TCTN2: variants seen among roughly 807,000 people sequenced by gnomAD.
TCTN2 encodes the protein tectonic family member 2.
In TCTN2, 66 loss-of-function variants were observed where a neutral mutation model predicts 83.4. That is an observed-to-expected ratio of 0.79 (90% CI 0.65 to 0.97). The LOEUF is 0.97. Ranked by LOEUF, TCTN2 falls within the 50% of genes least tolerant of loss-of-function variation. The pLI, the probability that TCTN2 is intolerant of heterozygous loss-of-function variation, is 0.00. For missense variants in TCTN2, 794 were observed against 858.1 expected, an observed-to-expected ratio of 0.93 and a Z score of 0.93; for synonymous variants, 301 against 326.7, an observed-to-expected ratio of 0.92 and a Z score of 0.85.
intron 14 of TCTN2, among the ~76,000 whole-genome samples, chr12:123,700,323 A>G (rs1172585793): frequency 1.3e-5 from 2 of 152,178 alleles, no homozygotes; most frequent in South Asian, 2.1e-4. Context: ...CTGGCCAACA[A>G]CAGTCTTTGT....
intron 13 of TCTN2, among the ~76,000 whole-genome samples, chr12:123,698,749 C>A (rs552133704): frequency 6.6e-6 from 1 of 152,112 alleles, no homozygotes; most frequent in African/African-American, 2.4e-5. Context: ...CTCTTACACA[C>A]GTTTTATCTG....
At chr12:123,699,117 G>A (rs1956142741) in intron 13 of TCTN2, among the ~76,000 whole-genome samples, 1 of 151,530 alleles carries the variant, frequency 6.6e-6, no homozygotes, top group South Asian at 2.1e-4. Context: ...AGTCGGCAGA[G>A]TTTGTGAACC....
chr12:123,685,455 G>A (rs1326129557), intron 5 of TCTN2, among the ~76,000 whole-genome samples: 2 of 152,138 alleles, frequency 1.3e-5, no homozygotes, highest in Middle Eastern at 3.2e-3. Context: ...GTCTTGTTCT[G>A]TCACCCAGGC....
chr12:123,707,441 G>A (rs751136249), intron 17 of TCTN2, among the ~76,000 whole-genome samples, 163 bp from the exon 18 acceptor site: 4 of 152,106 alleles, frequency 2.6e-5, no homozygotes, highest in Non-Finnish European at 5.9e-5. Context: ...GGGTTTCACT[G>A]TGCTGGCCAG....
rs1593868784 is a variant in TCTN2 at position 123,704,607 on chromosome 12, A to G, written c.1688A>G (p.His563Arg). 6.2e-7 allele frequency: 1 copy of G among 1,613,434 alleles called. No homozygotes were observed. The highest frequency in any genetic ancestry group is 8.5e-7 in the Non-Finnish European group (1 of 1,179,918). Residue 563 changes from histidine to arginine, a missense_variant, in exon 15 of 18, where the codon CAC becomes CGC. Physicochemically the swap from His to Arg is conservative, Grantham distance 29. Coordinates refer to ENST00000303372, the MANE Select transcript of TCTN2 (RefSeq NM_024809.5). ...VNGMCLDIPA[H>R]LSIRILISDA... ...GGCATGTGCCTGGATATTCCTGCTC[A>G]CCTGAGCATCCGCATCCTCATCTCG...
chr12:123,672,638 G>A (rs745341189), intron 3 of TCTN2, among the ~76,000 whole-genome samples: 1 of 151,978 alleles, frequency 6.6e-6, no homozygotes, highest in South Asian at 2.1e-4. Context: ...GAGGGGGGTG[G>A]GGTAGCTGAG....
chr12:123,686,339 A>T (rs1031179636), intron 5 of TCTN2, among the ~76,000 whole-genome samples: 5 of 152,058 alleles, frequency 3.3e-5, no homozygotes, highest in African/African-American at 1.2e-4. Context: ...GAGCCCCTGC[A>T]CCCAGCCCCA....
intron 9 of TCTN2, among the ~76,000 whole-genome samples, chr12:123,693,811 T>A (rs978680116): frequency 6.6e-6 from 1 of 150,558 alleles, no homozygotes; most frequent in Non-Finnish European, 1.5e-5. Context: ...GTTTGTTTCT[T>A]TCTTTTCTTT....
At chr12:123,687,317 T>C (rs1955984268) in intron 6 of TCTN2, among the ~76,000 whole-genome samples, 1 of 152,304 alleles carries the variant, frequency 6.6e-6, no homozygotes, top group South Asian at 2.1e-4. Flanking sequence ...TAATGTTCTG[T>C]ATTTTACAGT....
chr12:123,695,425 T>C, intron 11 of TCTN2, 128 bp downstream of exon 11: 2 of 738,118 alleles, frequency 2.7e-6, no homozygotes, highest in South Asian at 3.0e-5. Context: ...CTTTATTTTC[T>C]CTTTTTCTTT....
At chr12:123,707,480 C>A (rs1466432585) in intron 17 of TCTN2, 124 bp from the exon 18 acceptor site, 2 of 910,858 alleles carry the variant, frequency 2.2e-6, no homozygotes, top group Non-Finnish European at 3.6e-6. Context: ...TCAAGTGATC[C>A]GCCCTCCTTG....
Position 123,699,916 on chromosome 12 carries a change from G to T in TCTN2, c.1612+106G>T, listed in dbSNP as rs1250209261. The T allele has an allele frequency of 1.2e-5, 11 of 885,850 alleles. No individual in the cohort carries two copies. The African/African-American group carries it at 1.7e-4, about 13-fold the overall frequency. The allele number at this position is 885,850 out of a possible 1,614,324, so 54.9% of individuals were successfully genotyped here. On this transcript the variant is annotated intron_variant, in intron 14 of 17. Transcript: ENST00000303372. ...CCAGTAGGTCATCTTCCTGAGGCTTGACTGCGGCTTAACTGGACGTTTGCC... is the reference window on the plus strand; with the variant it reads ...CCAGTAGGTCATCTTCCTGAGGCTTTACTGCGGCTTAACTGGACGTTTGCC...
chr12:123,689,291 A>G (rs1318786972), intron 7 of TCTN2, among the ~76,000 whole-genome samples: 1 of 151,344 alleles, frequency 6.6e-6, no homozygotes, highest in Non-Finnish European at 1.5e-5. Context: ...TCTGGGCTGA[A>G]GTGACCTGCC....
At chr12:123,671,709 C>A (rs866911289) in intron 2 of TCTN2, 95 bp downstream of exon 2, 1 of 1,049,808 alleles carries the variant, frequency 9.5e-7, no homozygotes, top group Non-Finnish European at 1.4e-6. Flanking sequence ...GGCCCCCTGC[C>A]TCTGTTCTCT....
At chr12:123,697,757 G>A (rs1956127091) in intron 13 of TCTN2, among the ~76,000 whole-genome samples, 1 of 152,054 alleles carries the variant, frequency 6.6e-6, no homozygotes, top group Non-Finnish European at 1.5e-5. Flanking sequence ...GCCTCCCAAA[G>A]TGCTGGGATT....
At chr12:123,675,707 T>C (rs762213484) in intron 4 of TCTN2, among the ~76,000 whole-genome samples, 5 of 152,130 alleles carry the variant, frequency 3.3e-5, no homozygotes, top group Non-Finnish European at 7.3e-5. Flanking sequence ...ATAAAGAAAT[T>C]CTGGAAGGAT....
At chr12:123,671,925 C>T in intron 2 of TCTN2, 131 bp from the exon 3 acceptor site, 1 of 818,882 alleles carries the variant, frequency 1.2e-6, no homozygotes, top group Admixed American at 1.7e-5. Context: ...TTGTCACTGT[C>T]CCAGTGTCAA....
At chr12:123,706,542 T>G (rs1219932840) in intron 15 of TCTN2, among the ~76,000 whole-genome samples, 184 bp from the exon 16 acceptor site, 1 of 152,206 alleles carries the variant, frequency 6.6e-6, no homozygotes, top group Non-Finnish European at 1.5e-5. Context: ...TTCTCTTCTC[T>G]TTGGATCTGT....
chr12:123,675,761 GGGAACA>G (rs1955812727), intron 4 of TCTN2, among the ~76,000 whole-genome samples: 1 of 152,148 alleles, frequency 6.6e-6, no homozygotes, highest in African/African-American at 2.4e-5. Context: ...AGGATGATGT[GGGAACA>G]GGAAAGGGCT....
Sources: gnomAD v4.1 joint callset for allele counts (sites outside exome capture counted in the v4.1 genomes callset) on GRCh38, gnomAD v4.1.1 for gene constraint, MANE v1.5 for transcripts, NCBI Gene and HGNC (gene_info 2026-07-23, HGNC 2026-07-21) for gene names.